The following FAM107B variants were observed in gnomAD, a reference collection of about 807,000 sequenced individuals.
The protein encoded by FAM107B is protein FAM107B.
FAM107B carries 21 observed loss-of-function variants against 31.5 expected under a neutral mutation model. The observed-to-expected ratio is 0.67, with a 90% CI of 0.47 to 0.96. FAM107B has a LOEUF of 0.96. Among genes scored for constraint, FAM107B ranks in the 40% least tolerant of loss-of-function variants. FAM107B has a pLI of 0.00. For synonymous variants in FAM107B, 157 were observed against 141.5 expected (o/e 1.11, Z -0.78); for missense variants, 452 against 377.1 (o/e 1.20, Z -1.64).
intron 2 of FAM107B, among the ~76,000 whole-genome samples, chr10:14,622,172 G>A (rs1853028450): frequency 6.6e-6 from 1 of 152,146 alleles, no homozygotes; most frequent in African/African-American, 2.4e-5. Flanking sequence ...AATATGTCAG[G>A]ACCTAAGAAT....
intron 2 of FAM107B, among the ~76,000 whole-genome samples, chr10:14,571,456 A>T (rs937296889): frequency 1.3e-5 from 2 of 152,230 alleles, no homozygotes; most frequent in Non-Finnish European, 2.9e-5. Flanking sequence ...AAGTTAGTGA[A>T]TCCAAAAAGA....
At chr10:14,661,245 C>A (rs547117344) in intron 2 of FAM107B, among the ~76,000 whole-genome samples, 13 of 152,244 alleles carry the variant, frequency 8.5e-5, no homozygotes, top group Admixed American at 2.6e-4. Context: ...ACTAATTTAC[C>A]AGAAAAGTGT....
chr10:14,632,147 A>T (rs1393707415), intron 2 of FAM107B, among the ~76,000 whole-genome samples: 1 of 151,604 alleles, frequency 6.6e-6, no homozygotes, highest in Non-Finnish European at 1.5e-5. Context: ...AAACTACAAA[A>T]ATTAGCCAGT....
intron 1 of FAM107B, among the ~76,000 whole-genome samples, chr10:14,720,052 C>A (rs1025937063): frequency 6.6e-6 from 1 of 150,728 alleles, no homozygotes; most frequent in African/African-American, 2.4e-5. Context: ...AGTTGGGCCA[C>A]TTTCTCCAAC....
chr10:14,595,384 T>G (rs1852153545), intron 2 of FAM107B, among the ~76,000 whole-genome samples: 1 of 150,854 alleles, frequency 6.6e-6, no homozygotes, highest in South Asian at 2.1e-4. Context: ...AGATCAGACT[T>G]GGATCCTAAT....
chr10:14,725,633 G>A (rs75901023), intron 1 of FAM107B, among the ~76,000 whole-genome samples: 24 of 106,536 alleles, frequency 2.3e-4, no homozygotes, highest in African/African-American at 7.5e-4. Context: ...GAGAGAGAAA[G>A]AGAGAGAGAA....
chr10:14,710,795 G>A (rs1254289220), intron 1 of FAM107B, among the ~76,000 whole-genome samples: 3 of 152,088 alleles, frequency 2.0e-5, no homozygotes, highest in Admixed American at 1.3e-4. Context: ...TTTTTATAGA[G>A]CTGAACAATG....
chr10:14,572,432 A>C (rs965714884), intron 2 of FAM107B: 2 of 984,194 alleles, frequency 2.0e-6, no homozygotes, highest in African/African-American at 3.5e-5. Context: ...CGCACTTCTT[A>C]GAGCATCACC....
chr10:14,518,590 AG>A lies in FAM107B; in HGVS notation c.*2599del, dbSNP rs1210096996. On this transcript the variant is annotated 3_prime_UTR_variant, in exon 5 of 5. Coordinates refer to ENST00000181796, the MANE Select transcript of FAM107B (RefSeq NM_031453.4). ...TCCAAGCATGTGGTGATTTTTATTA[AG>A]AATAACTTTGGTTCTAAGAATTCCA... is the stretch of plus-strand genomic sequence containing the variant. 1 of 152,692 alleles carries A rather than the reference AG, an allele frequency of 6.5e-6. No individual in the cohort carries two copies. Among genetic ancestry groups the A allele is most frequent in the Non-Finnish European group, 1.5e-5 (1 of 68,054 alleles). 9.5% of individuals were successfully genotyped at this position (152,692 alleles called of 1,614,324 possible).
chr10:14,532,963 T>TG lies in FAM107B; in HGVS notation c.470-2449dup, dbSNP rs201402710. On this transcript the variant is annotated intron_variant, in intron 2 of 4. Coordinates refer to ENST00000181796, the MANE Select transcript of FAM107B (RefSeq NM_031453.4). ...AAAGGCCACAGGGTAGGAGGGTGCC[T>TG]GGGGGGGATGAGGAATGGCAAAGCG... is the stretch of plus-strand genomic sequence containing the variant. Among the ~76,000 whole-genome samples, 938 of 151,782 alleles carry TG rather than the reference T, an allele frequency of 6.2e-3. 6 individuals carry two copies. The highest frequency in any genetic ancestry group is 0.01 in the Middle Eastern group (3 of 294).
chr10:14,681,814 G>A (rs572676350), intron 1 of FAM107B, among the ~76,000 whole-genome samples: 16 of 152,258 alleles, frequency 1.1e-4, no homozygotes, highest in South Asian at 6.2e-4. Context: ...GCAACAGTTC[G>A]CTCCCAAGTA....
chr10:14,577,395 C>T (rs553405638), intron 2 of FAM107B, among the ~76,000 whole-genome samples: 51 of 152,336 alleles, frequency 3.3e-4, no homozygotes, highest in Non-Finnish European at 5.4e-4. Flanking sequence ...CTCTGTCAAA[C>T]TCTTCCGTTC....
intron 2 of FAM107B, among the ~76,000 whole-genome samples, chr10:14,547,951 C>A (rs576319792): frequency 4.6e-5 from 7 of 152,346 alleles, no homozygotes; most frequent in African/African-American, 1.7e-4. Flanking sequence ...TAGAGAACAG[C>A]TATTTCCATG....
intron 1 of FAM107B, among the ~76,000 whole-genome samples, chr10:14,769,205 G>A (rs1267156444): frequency 6.6e-6 from 1 of 152,186 alleles, no homozygotes; most frequent in African/African-American, 2.4e-5. Flanking sequence ...GCAGTGCTGA[G>A]GCTCAGACGC....
At chr10:14,753,046 T>A (rs761103389) in intron 1 of FAM107B, among the ~76,000 whole-genome samples, 1 of 152,160 alleles carries the variant, frequency 6.6e-6, no homozygotes, top group Non-Finnish European at 1.5e-5. Flanking sequence ...AAAGTATCAG[T>A]GTTCCCAAAG....
intron 2 of FAM107B, among the ~76,000 whole-genome samples, chr10:14,567,476 G>C (rs1229081425): frequency 6.6e-6 from 1 of 152,094 alleles, no homozygotes; most frequent in African/African-American, 2.4e-5. Context: ...GAAGAGGGTT[G>C]ATGAGGAAAA....
intron 1 of FAM107B, among the ~76,000 whole-genome samples, chr10:14,716,467 A>G (rs1855781901): frequency 6.6e-6 from 1 of 152,240 alleles, no homozygotes; most frequent in Non-Finnish European, 1.5e-5. Flanking sequence ...CCCCCAGAGC[A>G]AGTAACCCAA....
chr10:14,669,934 T>A (rs1854502304), intron 1 of FAM107B, among the ~76,000 whole-genome samples: 1 of 152,214 alleles, frequency 6.6e-6, no homozygotes, highest in African/African-American at 2.4e-5. Context: ...GAACTTGAAA[T>A]GTTCCCAATA....
chr10:14,551,044 C>CT (rs1849215669), intron 2 of FAM107B, among the ~76,000 whole-genome samples: 1 of 152,042 alleles, frequency 6.6e-6, no homozygotes, highest in Admixed American at 6.5e-5. Flanking sequence ...GTTTTACCTC[C>CT]TTAAATGGAT....
Sources: gnomAD v4.1 joint callset for allele counts (sites outside exome capture counted in the v4.1 genomes callset) on GRCh38, gnomAD v4.1.1 for gene constraint, MANE v1.5 for transcripts, NCBI Gene and HGNC (gene_info 2026-07-23, HGNC 2026-07-21) for gene names.